The following C1QTNF7 variants were observed in gnomAD, a reference collection of about 807,000 sequenced individuals.
C1QTNF7 encodes the protein C1q and TNF related 7.
In C1QTNF7, 15 loss-of-function variants were observed where a neutral mutation model predicts 19.6. The observed-to-expected ratio is 0.76, with a 90% CI of 0.51 to 1.18. C1QTNF7 has a LOEUF of 1.18. Ranked by LOEUF, C1QTNF7 falls within the 50% of genes most tolerant of loss-of-function variation. The pLI is 0.00. For synonymous variants in C1QTNF7, 142 were observed against 137.5 expected, an observed-to-expected ratio of 1.03 and a Z score of -0.23; for missense variants, 324 against 359.7, an observed-to-expected ratio of 0.90 and a Z score of 0.80.
chr4:15,434,867 G>C (rs969874952), intron 1 of C1QTNF7, among the ~76,000 whole-genome samples: 1 of 151,982 alleles, frequency 6.6e-6, no homozygotes, highest in African/African-American at 2.4e-5. Context: ...CAGCTTAATG[G>C]GACACCACGA....
intron 1 of C1QTNF7, among the ~76,000 whole-genome samples, chr4:15,400,641 C>T (rs1718953383): frequency 6.6e-6 from 1 of 152,220 alleles, no homozygotes; most frequent in African/African-American, 2.4e-5. Context: ...GACCTCATGA[C>T]CTTCTCAATT....
intron 1 of C1QTNF7, among the ~76,000 whole-genome samples, chr4:15,376,647 G>A (rs1029395075): frequency 6.6e-6 from 1 of 152,212 alleles, no homozygotes; most frequent in Non-Finnish European, 1.5e-5. Context: ...AGGTAATGAT[G>A]GCTGGCAGGG....
At chr4:15,439,715 A>G (rs1577285394) in intron 2 of C1QTNF7, among the ~76,000 whole-genome samples, 1 of 152,222 alleles carries the variant, frequency 6.6e-6, no homozygotes, top group African/African-American at 2.4e-5. Context: ...CTCTGACTAC[A>G]AAAGTGCACT....
In C1QTNF7 at chr4:15,442,274, A is replaced by T; in HGVS notation, c.345A>T (p.Val115=). ...PIGPEGEKGE[V]GPIGPPGPKG... is the part of the protein sequence containing the mutation. ...GACCAGAGGGAGAGAAAGGAGAAGT[A>T]GGTCCAATTGGTCCTCCTGGACCAA... The change falls in exon 3 of 3, where the codon GTA becomes GTT. Residue 115 remains valine (V), a synonymous_variant. Coordinates refer to ENST00000444304, the MANE Select transcript of C1QTNF7 (RefSeq NM_031911.5). 6.2e-7 allele frequency: 1 copy of T among 1,614,134 alleles called. No homozygotes were observed. Among genetic ancestry groups the T allele is most frequent in the Non-Finnish European group, 8.5e-7 (1 of 1,180,032 alleles).
chr4:15,416,210 T>C (rs988280724), intron 1 of C1QTNF7, among the ~76,000 whole-genome samples: 4 of 152,236 alleles, frequency 2.6e-5, no homozygotes, highest in African/African-American at 4.8e-5. Flanking sequence ...TTTTTGCATC[T>C]TTACCAAACT....
chr4:15,420,082 G>T (rs1711677408), intron 1 of C1QTNF7: 1 of 152,200 alleles, frequency 6.6e-6, no homozygotes, highest in Non-Finnish European at 1.5e-5. Flanking sequence ...TAAAGTCTAA[G>T]TTCCCCAAGA....
At chr4:15,421,765 T>C (rs1711772493) in intron 1 of C1QTNF7, among the ~76,000 whole-genome samples, 1 of 152,166 alleles carries the variant, frequency 6.6e-6, no homozygotes, top group Non-Finnish European at 1.5e-5. Context: ...CGCTAAGTGG[T>C]CAGGACTCAC....
chr4:15,440,960 G>A (rs1044833108), intron 2 of C1QTNF7, among the ~76,000 whole-genome samples: 3 of 152,048 alleles, frequency 2.0e-5, no homozygotes, highest in Admixed American at 6.5e-5. Context: ...GGCCAACATG[G>A]CAAAAGCCCC....
chr4:15,345,882 G>A (rs991278098), intron 1 of C1QTNF7, among the ~76,000 whole-genome samples: 1 of 152,140 alleles, frequency 6.6e-6, no homozygotes, highest in East Asian at 1.9e-4. Flanking sequence ...ATGAGGAGAG[G>A]TAAGTAGCTC....
At chr4:15,354,166 C>A (rs921170983) in intron 1 of C1QTNF7, among the ~76,000 whole-genome samples, 3 of 152,040 alleles carry the variant, frequency 2.0e-5, no homozygotes, top group African/African-American at 7.2e-5. Context: ...TGAAAAGGGT[C>A]TGAAGGAATG....
chr4:15,405,528 C>A (rs1366575671), intron 1 of C1QTNF7, among the ~76,000 whole-genome samples: 3 of 152,166 alleles, frequency 2.0e-5, no homozygotes, highest in African/African-American at 7.2e-5. Flanking sequence ...AAATGGGCAT[C>A]AATTTATTAA....
At chr4:15,394,601 A>T (rs1577254730) in intron 1 of C1QTNF7, among the ~76,000 whole-genome samples, 2 of 152,216 alleles carry the variant, frequency 1.3e-5, no homozygotes, top group East Asian at 3.8e-4. Context: ...AAAGGAAGGG[A>T]TCTGTGTGTG....
chr4:15,407,681 C>T (rs942864533), intron 1 of C1QTNF7, among the ~76,000 whole-genome samples: 1 of 152,104 alleles, frequency 6.6e-6, no homozygotes, highest in Non-Finnish European at 1.5e-5. Context: ...AAAAAGCAAA[C>T]AAACAAAAAC....
intron 1 of C1QTNF7, among the ~76,000 whole-genome samples, chr4:15,375,477 T>C (rs1577243534): frequency 6.6e-6 from 1 of 152,334 alleles, no homozygotes; most frequent in East Asian, 1.9e-4. Flanking sequence ...AATGCATAAT[T>C]TCATAAATGA....
intron 1 of C1QTNF7, among the ~76,000 whole-genome samples, chr4:15,353,435 A>G (rs1717005242): frequency 6.6e-6 from 1 of 152,164 alleles, no homozygotes. Context: ...ATTTTCTTCA[A>G]AAGCTAATCT....
At chr4:15,427,700 T>C (rs1250576845), upstream of C1QTNF7, 1 of 152,182 alleles carries the variant, frequency 6.6e-6, no homozygotes, top group Non-Finnish European at 1.5e-5. Context: ...ACAACTAATT[T>C]CCAGTCAGTG....
chr4:15,437,427 AATGTT>A (rs1712582091), intron 2 of C1QTNF7, among the ~76,000 whole-genome samples: 1 of 152,172 alleles, frequency 6.6e-6, no homozygotes. Context: ...AAACTCAGTA[AATGTT>A]ATAACTTATT....
chr4:15,378,633 C>A (rs536339963), intron 1 of C1QTNF7, among the ~76,000 whole-genome samples: 62 of 152,274 alleles, frequency 4.1e-4, no homozygotes, highest in African/African-American at 1.3e-3. Context: ...AGAACCACCA[C>A]ATGGCAGATT....
In C1QTNF7 at chr4:15,429,379, T is replaced by A. The variant is rs542424326; in HGVS notation, c.-9+1273T>A. On this transcript the variant is annotated intron_variant, in intron 1 of 2. Transcript: ENST00000444304. ...GAAACTCTCTATACCCATGAAACCA[T>A]AAATTCCCATTCCCCTCTTCCCTTC... Among the ~76,000 whole-genome samples the A allele has an allele frequency of 2.1e-4, 32 of 152,308 alleles. No homozygotes were observed. In the South Asian group the frequency reaches 4.6e-3, roughly 22 times the overall value.
Sources: allele counts gnomAD v4.1 joint callset (sites outside exome capture counted in the v4.1 genomes callset), GRCh38; gene constraint gnomAD v4.1.1; transcripts MANE v1.5; gene names NCBI Gene and HGNC (gene_info 2026-07-23, HGNC 2026-07-21).